RNF175: variants seen among roughly 807,000 people sequenced by gnomAD.
RNF175 encodes ring finger protein 175.
A neutral mutation model predicts 50.0 loss-of-function variants in RNF175; 38 were observed. That is an observed-to-expected ratio of 0.76 (90% CI 0.59 to 1.00). The LOEUF is 1.00. Ranked by LOEUF, RNF175 falls within the 50% of genes least tolerant of loss-of-function variation. RNF175 has a pLI of 0.00. For missense variants in RNF175, 388 were observed against 409.6 expected, an observed-to-expected ratio of 0.95 and a Z score of 0.46; for synonymous variants, 155 against 146.1, an observed-to-expected ratio of 1.06 and a Z score of -0.44.
intron 3 of RNF175, among the ~76,000 whole-genome samples, chr4:153,731,529 C>T (rs2606325): frequency 0.18 from 26,941 of 152,066 alleles, 3,105 homozygotes; most frequent in Non-Finnish European, 0.25. Context: ...ACCATGGTTT[C>T]TTTGTGTTGC....
At chr4:153,724,910 G>A (rs1357450287) in intron 4 of RNF175, among the ~76,000 whole-genome samples, 1 of 150,628 alleles carries the variant, frequency 6.6e-6, no homozygotes, top group Non-Finnish European at 1.5e-5. Flanking sequence ...GGTGAGCTAC[G>A]TGGGGGACCA....
chr4:153,753,226 C>T (rs998675298), intron 1 of RNF175, among the ~76,000 whole-genome samples: 18 of 152,136 alleles, frequency 1.2e-4, no homozygotes, highest in African/African-American at 4.3e-4. Context: ...CTGTGGATTG[C>T]GGGCTCCTAG....
intron 2 of RNF175, among the ~76,000 whole-genome samples, chr4:153,749,228 A>G (rs1199612797): frequency 6.6e-6 from 1 of 152,210 alleles, no homozygotes; most frequent in Non-Finnish European, 1.5e-5. Flanking sequence ...TCAAATAACC[A>G]TCCTTCTGTA....
At position 153,751,476 on chromosome 4, in the gene RNF175, C is replaced by A; in HGVS notation, c.67-1G>T. 2.6e-6 allele frequency: 4 copies of A among 1,555,558 alleles called. No individual in the cohort carries two copies. The South Asian group carries it at 4.9e-5, about 19-fold the overall frequency. ...CTGCAGAAAGCTTTGTATGAGAGAG[C>A]TGAAAAACATAAAAAGGGCCCTTAT... On this transcript the variant is annotated splice_acceptor_variant, in intron 1 of 8. Transcript: ENST00000347063. LOFTEE classifies it high-confidence loss of function.
chr4:153,744,345 C>T (rs1163192907), intron 3 of RNF175, among the ~76,000 whole-genome samples: 1 of 151,990 alleles, frequency 6.6e-6, no homozygotes, highest in African/African-American at 2.4e-5. Flanking sequence ...TCACTTGAAC[C>T]CGGGAGGTGG....
In RNF175 at chr4:153,710,351, C is replaced by T; in HGVS notation, c.*18G>A. ...AGGATTTCAACCATGCAGTATGTTG[C>T]TTCTGGGGTCTGCTGTCCTATTCCA... On this transcript the variant is annotated 3_prime_UTR_variant, in exon 9 of 9. Transcript: ENST00000347063. The T allele has an allele frequency of 6.5e-7, 1 of 1,543,052 alleles. No homozygotes were observed.
At chr4:153,753,634 T>C (rs1740409867) in intron 1 of RNF175, among the ~76,000 whole-genome samples, 1 of 151,732 alleles carries the variant, frequency 6.6e-6, no homozygotes, top group African/African-American at 2.4e-5. Context: ...CTCAGCTCAC[T>C]GCAACCTCTG....
rs1738604010 is a variant in RNF175, at chr4:153,725,024, G to A, written c.402-1566C>T. Among the ~76,000 whole-genome samples the A allele has an allele frequency of 6.2e-5, 5 of 80,506 alleles. No homozygotes were observed. The South Asian group carries it at 2.4e-3, about 39-fold the overall frequency. The allele number at this position is 80,506 out of a possible 152,430, so 52.8% of individuals were successfully genotyped here. ...GCGGGCAGGGGTGAGCTGCGTGGGGGAGCGGGCAGGGGTAGGCTGCGTGGG... is the reference window on the plus strand; with the variant it reads ...GCGGGCAGGGGTGAGCTGCGTGGGGAAGCGGGCAGGGGTAGGCTGCGTGGG... On this transcript the variant is annotated intron_variant, in intron 4 of 8. Transcript: ENST00000347063.
intron 4 of RNF175, among the ~76,000 whole-genome samples, chr4:153,725,210 G>A (rs1449228300): frequency 6.6e-6 from 1 of 152,132 alleles, no homozygotes; most frequent in Non-Finnish European, 1.5e-5. Context: ...GTGAGGCTGT[G>A]TGGCCTCAAA....
At chr4:153,748,469 G>A in intron 3 of RNF175, 176 bp downstream of exon 3, 1 of 528,022 alleles carries the variant, frequency 1.9e-6, no homozygotes, top group South Asian at 3.8e-5. Flanking sequence ...AGTCAAAAAT[G>A]TTTCCAGACA....
chr4:153,740,753 C>T (rs1318761855), intron 3 of RNF175, among the ~76,000 whole-genome samples: 1 of 152,160 alleles, frequency 6.6e-6, no homozygotes, highest in African/African-American at 2.4e-5. Context: ...TCTCTTCAGA[C>T]TGTGTTTTTT....
intron 3 of RNF175, among the ~76,000 whole-genome samples, chr4:153,740,048 CTT>C (rs1739566095): frequency 1.4e-5 from 2 of 146,200 alleles, no homozygotes; most frequent in Admixed American, 1.4e-4. Context: ...CTTTTTTTCT[CTT>C]TGCATCTCAT....
chr4:153,747,076 C>A (rs56288418), intron 3 of RNF175, among the ~76,000 whole-genome samples: 26,855 of 152,108 alleles, frequency 0.18, 3,088 homozygotes, highest in Non-Finnish European at 0.25. Flanking sequence ...CCATTCTACT[C>A]TCCTAGAGCT....
rs1239730778 is a variant in RNF175, at chr4:153,715,699, A to C, written c.631-37T>G. On this transcript the variant is annotated intron_variant, in intron 6 of 8. Transcript: ENST00000347063. ...AATGGACAGAGCACAGTCAGAAAGG[A>C]GAGCACATGCCACTCTCTGAATGCA... The C allele has an allele frequency of 4.4e-6, 7 of 1,597,056 alleles. No individual in the cohort carries two copies. The African/African-American group carries it at 9.4e-5, about 21-fold the overall frequency.
At chr4:153,733,544 C>T (rs911461591) in intron 3 of RNF175, among the ~76,000 whole-genome samples, 6 of 152,146 alleles carry the variant, frequency 3.9e-5, no homozygotes, top group African/African-American at 1.4e-4. Context: ...GAATACAGTA[C>T]TTTTTTGCAG....
At position 153,748,752 on chromosome 4, in the gene RNF175, C is replaced by T. The variant is rs1740123579; in HGVS notation, c.139G>A (p.Gly47Ser). 1 of 1,611,852 alleles carries T rather than the reference C, an allele frequency of 6.2e-7. No individual in the cohort carries two copies. ...QQERMYKMHR[G>S]HDSMHVEMIL... ...ATTTCCACGTGCATGGAATCGTGGC[C>T]CCGGTGCATCTTGTACATCCTCTCC... Residue 47 changes from glycine to serine, a missense_variant, in exon 3 of 9, where the codon GGC becomes AGC. Gly to Ser is a moderately conservative substitution (Grantham distance 56, BLOSUM62 0). Coordinates refer to ENST00000347063, the MANE Select transcript of RNF175 (RefSeq NM_173662.4).
rs1332255866 is a variant in RNF175, at chr4:153,723,431, G to A, written c.429C>T (p.Ile143=). 1 of 1,601,822 alleles carries A rather than the reference G, an allele frequency of 6.2e-7. No individual in the cohort carries two copies. Among genetic ancestry groups the A allele is most frequent in the African/African-American group, 1.3e-5 (1 of 74,728 alleles). ...CACCAAATGCATAGCTGAGTTTGTA[G>A]ATCAAAAGAAACCATTTGTAGACCA... The part of the protein sequence containing the change: ...PRLVYKWFLL[I]YKLSYAFGVV... Residue 143 remains isoleucine, a synonymous_variant, in exon 5 of 9, where the codon ATC becomes ATT. Coordinates refer to ENST00000347063, the MANE Select transcript of RNF175 (RefSeq NM_173662.4).
At chr4:153,735,285 CTA>C (rs1222808356) in intron 3 of RNF175, among the ~76,000 whole-genome samples, 1 of 150,490 alleles carries the variant, frequency 6.6e-6, no homozygotes, top group Non-Finnish European at 1.5e-5. Flanking sequence ...GTTGGAAAGA[CTA>C]TCTTTCTCTA....
intron 1 of RNF175, among the ~76,000 whole-genome samples, chr4:153,752,504 T>C (rs1197833031): frequency 6.6e-6 from 1 of 152,212 alleles, no homozygotes; most frequent in Non-Finnish European, 1.5e-5. Context: ...TGTGCAAATA[T>C]TGCCTAAACT....
Sources: allele counts gnomAD v4.1 joint callset (sites outside exome capture counted in the v4.1 genomes callset), GRCh38; gene constraint gnomAD v4.1.1; transcripts MANE v1.5; gene names NCBI Gene and HGNC (gene_info 2026-07-23, HGNC 2026-07-21).